The following CAPN3 variants were observed in gnomAD, a reference collection of about 807,000 sequenced individuals.
The protein encoded by CAPN3 is calpain 3.
A neutral mutation model predicts 114.0 loss-of-function variants in CAPN3; 88 were observed. The ratio of observed to expected loss-of-function variants is 0.77; its 90% CI spans 0.65 to 0.92. The LOEUF (loss-of-function observed/expected upper bound fraction) is 0.92, where lower values mean the gene tolerates loss of function less well. Ranked by LOEUF, CAPN3 falls within the 40% of genes least tolerant of loss-of-function variation. The pLI, the probability that CAPN3 is intolerant of heterozygous loss-of-function variation, is 0.00. For synonymous variants in CAPN3, 386 were observed against 382.9 expected, an observed-to-expected ratio of 1.01 and a Z score of -0.09; for missense variants, 1,028 against 1,069.0, an observed-to-expected ratio of 0.96 and a Z score of 0.53.
At position 42,409,864 on chromosome 15, in the gene CAPN3, TG is replaced by T. The variant is rs750483515; in HGVS notation, c.2050+25del. On this transcript the variant is annotated intron_variant, in intron 18 of 23. Transcript: ENST00000397163. Reference sequence around the variant, plus strand: ...ACAAACGTGAGTTGCTCAAACCAAATGGGGGTGGGGTGGGTGGGGAGTCCCG... The same window carrying T: ...ACAAACGTGAGTTGCTCAAACCAAATGGGGTGGGGTGGGTGGGGAGTCCCG... 25 of 166,898 alleles carry T rather than the reference TG, an allele frequency of 1.5e-4. No homozygotes were observed. Among genetic ancestry groups the T allele is most frequent in the Admixed American group, 1.3e-3 (18 of 13,578 alleles). 10.3% of individuals were successfully genotyped at this position (166,898 alleles called of 1,614,324 possible).
intron 13 of CAPN3, among the ~76,000 whole-genome samples, chr15:42,403,404 G>A (rs1424271871): frequency 1.3e-5 from 2 of 152,188 alleles, no homozygotes; most frequent in African/African-American, 4.8e-5. Context: ...AGCATGGCCA[G>A]GAAAGCCACA....
chr15:42,402,067 G>A (rs894078577), intron 11 of CAPN3, 57 bp from the exon 12 acceptor site: 48 of 1,610,926 alleles, frequency 3.0e-5, no homozygotes, highest in Non-Finnish European at 3.8e-5. Context: ...ATTGCCTTCC[G>A]CAGGCTCCTC....
intron 1 of CAPN3, among the ~76,000 whole-genome samples, chr15:42,382,629 A>C (rs772752930): frequency 4.6e-5 from 7 of 152,198 alleles, no homozygotes; most frequent in Non-Finnish European, 8.8e-5. Flanking sequence ...TTGGCCTCTC[A>C]AAGTGCTGGG....
chr15:42,405,303 A>T (rs991881213), intron 14 of CAPN3, among the ~76,000 whole-genome samples: 11 of 152,110 alleles, frequency 7.2e-5, no homozygotes, highest in African/African-American at 2.7e-4. Flanking sequence ...TCATTTTTTT[A>T]TTATTTATTT....
chr15:42,384,742 C>CT (rs1421071446), intron 2 of CAPN3, among the ~76,000 whole-genome samples, 190 bp downstream of exon 2: 1 of 152,200 alleles, frequency 6.6e-6, no homozygotes, highest in Non-Finnish European at 1.5e-5. Flanking sequence ...CTACATGCCT[C>CT]TTTAGCACTC....
intron 1 of CAPN3, among the ~76,000 whole-genome samples, chr15:42,377,622 A>T (rs1021729025): frequency 6.6e-6 from 1 of 152,184 alleles, no homozygotes; most frequent in African/African-American, 2.4e-5. Context: ...ATTGGTCTGT[A>T]GTTTTCCTTT....
At chr15:42,389,458 C>G (rs969723137) in intron 5 of CAPN3, among the ~76,000 whole-genome samples, 3 of 152,186 alleles carry the variant, frequency 2.0e-5, no homozygotes, top group Admixed American at 2.0e-4. Context: ...GAAAGCCTCC[C>G]AGTCACTGGG....
chr15:42,403,157 T>G (rs987064090), intron 13 of CAPN3, among the ~76,000 whole-genome samples, 155 bp downstream of exon 13: 3 of 152,218 alleles, frequency 2.0e-5, no homozygotes, highest in Non-Finnish European at 2.9e-5. Context: ...CATTCATCCA[T>G]TCTGTGATAT....
In CAPN3 at chr15:42,410,855, G is replaced by A. The variant is rs200133303; in HGVS notation, c.2264-29G>A. 2.3e-5 allele frequency: 36 copies of A among 1,570,546 alleles called. No individual in the cohort carries two copies. The Admixed American group carries it at 3.3e-4, about 15-fold the overall frequency. On this transcript the variant is annotated intron_variant, in intron 21 of 23. Transcript: ENST00000397163. ...GCAGGCCCAAGGCCTCCAGCTCCAC[G>A]TCCACCTCTAACATGGTCCCCTCCA...
At chr15:42,379,380 A>G (rs371868970) in intron 1 of CAPN3, among the ~76,000 whole-genome samples, 4 of 152,002 alleles carry the variant, frequency 2.6e-5, no homozygotes, top group African/African-American at 7.3e-5. Context: ...CTTGTTACCT[A>G]TGAATTTGAG....
Position 42,387,764 on chromosome 15 carries a change from T to C in CAPN3, c.510T>C (p.Tyr170=), listed in dbSNP as rs776924358. The change falls in exon 4 of 24, where the codon TAT becomes TAC. Residue 170 remains tyrosine, a synonymous_variant. Transcript: ENST00000397163. ...ACGCTTCTGTGCAGTTCTGGCGCTA[T>C]GGAGAGTGGGTGGACGTGGTTATAG... ...AGIFHFQFWR[Y]GEWVDVVIDD... The C allele has an allele frequency of 1.9e-6, 3 of 1,614,114 alleles. No homozygotes were observed. Among genetic ancestry groups the C allele is most frequent in the African/African-American group, 1.3e-5 (1 of 74,948 alleles).
At chr15:42,404,986 G>C in intron 14 of CAPN3, 3 of 993,166 alleles carry the variant, frequency 3.0e-6, no homozygotes, top group Non-Finnish European at 3.6e-6. Context: ...CAGGGGTTTT[G>C]ATGTCCCTGC....
At chr15:42,384,771 G>A (rs1053353342) in intron 2 of CAPN3, among the ~76,000 whole-genome samples, 2 of 152,104 alleles carry the variant, frequency 1.3e-5, no homozygotes, top group Non-Finnish European at 2.9e-5. Flanking sequence ...ATCACAGGGG[G>A]TATCTGCATC....
At position 42,394,311 on chromosome 15, in the gene CAPN3, A is replaced by T; in HGVS notation, c.1085A>T (p.Gln362Leu). 3 of 1,563,326 alleles carry T rather than the reference A, an allele frequency of 1.9e-6. No homozygotes were observed. Among genetic ancestry groups the T allele is most frequent in the South Asian group, 1.2e-5 (1 of 84,800 alleles). The part of the protein sequence containing the change: ...KLVRLRNPWG[Q>L]VEWNGSWSDR... ...GTGCGGCTGCGGAATCCGTGGGGCC[A>T]GGTGGAGTGGAACGGTTCTTGGAGT... The change falls in exon 8 of 24, where the codon CAG becomes CTG. Residue 362 changes from glutamine to leucine, a missense_variant. By Grantham distance (113) the Gln-to-Leu change is moderately radical. Transcript: ENST00000397163.
At position 42,410,409 on chromosome 15, in the gene CAPN3, C is replaced by G. The variant is rs2141223489; in HGVS notation, c.2116-19C>G. ...GGGATTTTGCTGTGTGCTGTGTAGCCCTGACCTCCCTCCTCCAGACAGATG... is the reference window on the plus strand; with the variant it reads ...GGGATTTTGCTGTGTGCTGTGTAGCGCTGACCTCCCTCCTCCAGACAGATG... On this transcript the variant is annotated intron_variant, in intron 19 of 23. Coordinates refer to ENST00000397163, the MANE Select transcript of CAPN3 (RefSeq NM_000070.3). 3 of 1,613,536 alleles carry G rather than the reference C, an allele frequency of 1.9e-6. No homozygotes were observed. Among genetic ancestry groups the G allele is most frequent in the Non-Finnish European group, 2.5e-6 (3 of 1,179,558 alleles).
intron 13 of CAPN3, 133 bp from the exon 14 acceptor site, chr15:42,403,608 G>A: frequency 1.2e-6 from 1 of 816,074 alleles, no homozygotes; most frequent in Non-Finnish European, 2.2e-6. Flanking sequence ...CCTGGGGTTG[G>A]GGTGTTCCAG....
At chr15:42,383,865 G>A (rs976278464) in intron 1 of CAPN3, among the ~76,000 whole-genome samples, 10 of 151,434 alleles carry the variant, frequency 6.6e-5, no homozygotes, top group South Asian at 2.1e-4. Flanking sequence ...GAGCCACCAC[G>A]CCCAGCCGAC....
intron 8 of CAPN3, among the ~76,000 whole-genome samples, chr15:42,396,282 A>G (rs1018576276): frequency 7.5e-6 from 1 of 133,534 alleles, no homozygotes; most frequent in African/African-American, 3.0e-5. Flanking sequence ...TCACTCTGCC[A>G]CCCAGGCTGG....
chr15:42,408,365 A>T (rs1031273983), intron 16 of CAPN3, 41 bp downstream of exon 16: 1 of 1,276,332 alleles, frequency 7.8e-7, no homozygotes, highest in Non-Finnish European at 1.1e-6. Flanking sequence ...CCAGCACGCT[A>T]CAGGGGCTTC....
Sources: gnomAD v4.1 joint callset for allele counts (sites outside exome capture counted in the v4.1 genomes callset) on GRCh38, gnomAD v4.1.1 for gene constraint, MANE v1.5 for transcripts, NCBI Gene and HGNC (gene_info 2026-07-23, HGNC 2026-07-21) for gene names.